The following BRD4 variants were observed in gnomAD, a reference collection of about 807,000 sequenced individuals.
BRD4 encodes the protein bromodomain-containing protein 4.
A neutral mutation model predicts 142.1 loss-of-function variants in BRD4; 16 were observed. The ratio of observed to expected loss-of-function variants is 0.11; its 90% CI spans 0.08 to 0.17. BRD4 has a LOEUF of 0.17. BRD4 is among the 10% of genes least tolerant of loss of function. BRD4 has a pLI of 1.00. For missense variants in BRD4, 1,424 were observed against 1,810.9 expected, an observed-to-expected ratio of 0.79 and a Z score of 3.88; for synonymous variants, 833 against 707.5, an observed-to-expected ratio of 1.18 and a Z score of -2.82.
Position 15,283,674 on chromosome 19 carries a change from C to T in BRD4, c.-34-10541G>A, listed in dbSNP as rs117661365. 5.0e-3 allele frequency among the ~76,000 whole-genome samples: 765 copies of T among 152,306 alleles called. 2 individuals are homozygous for T. The highest frequency in any genetic ancestry group is 8.2e-3 in the Non-Finnish European group (558 of 68,030). On this transcript the variant is annotated intron_variant, in intron 1 of 19. Transcript: ENST00000679869. ...ACACTGAACTCTTGAAACAGATCCA[C>T]GAGTGGGAATGGTGACATTCCAATC...
At chr19:15,315,924 G>A (rs555580729) in intron 1 of BRD4, among the ~76,000 whole-genome samples, 2 of 151,732 alleles carry the variant, frequency 1.3e-5, no homozygotes, top group South Asian at 4.2e-4. Flanking sequence ...GGGAGGCCGA[G>A]GCGGGCGGAT....
intron 1 of BRD4, among the ~76,000 whole-genome samples, chr19:15,329,480 C>T (rs11672404): frequency 0.17 from 25,328 of 152,082 alleles, 2,197 homozygotes; most frequent in Middle Eastern, 0.2. Flanking sequence ...GTGGCTCATG[C>T]CTGTAAACCC....
chr19:15,316,905 A>G (rs1355195022), intron 1 of BRD4, among the ~76,000 whole-genome samples: 2 of 152,200 alleles, frequency 1.3e-5, no homozygotes, highest in Middle Eastern at 3.4e-3. Flanking sequence ...GAAGAACCAG[A>G]CTCAATGCTA....
intron 1 of BRD4, among the ~76,000 whole-genome samples, chr19:15,328,129 CTAA>C (rs1394414918): frequency 1.4e-4 from 22 of 152,016 alleles, no homozygotes; most frequent in African/African-American, 4.6e-4. Context: ...GATGAACACG[CTAA>C]TAATAAAGAC....
chr19:15,300,099 G>C (rs543207291), intron 1 of BRD4, among the ~76,000 whole-genome samples: 60 of 152,196 alleles, frequency 3.9e-4, no homozygotes, highest in African/African-American at 1.4e-3. Flanking sequence ...TTTAAAATTA[G>C]CTGAGTGTGG....
In BRD4 at chr19:15,263,532, C is replaced by T. The variant is rs199679781; in HGVS notation, c.1229G>A (p.Arg410His). 2.7e-5 allele frequency: 43 copies of T among 1,614,072 alleles called. No homozygotes were observed. Among genetic ancestry groups the T allele is most frequent in the Non-Finnish European group, 3.4e-5 (40 of 1,180,030 alleles). Reference sequence around the variant, plus strand: ...AAACTCCTGAGCATCACGGTACTCACGGGCCTCCAGTTTAGACTGGAAAAC... The same window carrying T: ...AAACTCCTGAGCATCACGGTACTCATGGGCCTCCAGTTTAGACTGGAAAAC... Reference protein sequence around the residue: ...MSTIKSKLEAREYRDAQEFGA... With the variant: ...MSTIKSKLEAHEYRDAQEFGA... The change falls in exon 7 of 20, where the codon CGT (arginine) becomes CAT (histidine). Residue 410 changes from arginine to histidine, a missense_variant. By Grantham distance (29) the Arg-to-His change is conservative (BLOSUM62 0). Coordinates refer to ENST00000679869, the MANE Select transcript of BRD4 (RefSeq NM_001379291.1).
intron 2 of BRD4, 112 bp downstream of exon 2, chr19:15,272,703 A>G: frequency 9.8e-7 from 1 of 1,025,008 alleles, no homozygotes; most frequent in South Asian, 1.6e-5. Flanking sequence ...TGCAGCTCTC[A>G]CCATGATTCC....
intron 1 of BRD4, among the ~76,000 whole-genome samples, chr19:15,327,480 GC>G: frequency 6.6e-6 from 1 of 151,860 alleles, no homozygotes; most frequent in Non-Finnish European, 1.5e-5. Flanking sequence ...GGGGGTGGAG[GC>G]TGCAGTGGGC....
chr19:15,277,974 C>T (rs577361592), intron 1 of BRD4, among the ~76,000 whole-genome samples: 1 of 148,104 alleles, frequency 6.8e-6, no homozygotes, highest in East Asian at 2.0e-4. Flanking sequence ...GGCATGGCAG[C>T]GGGCGCCTGT....
At chr19:15,324,849 T>A (rs1299382075) in intron 1 of BRD4, among the ~76,000 whole-genome samples, 1 of 152,070 alleles carries the variant, frequency 6.6e-6, no homozygotes, top group Admixed American at 6.5e-5. Context: ...CCTCCACTAA[T>A]CCCATTATCA....
chr19:15,251,589 G>C (rs953350271), intron 11 of BRD4, among the ~76,000 whole-genome samples: 10 of 152,202 alleles, frequency 6.6e-5, no homozygotes, highest in Middle Eastern at 3.4e-3. Flanking sequence ...CGGGATTCCT[G>C]GACCCAGGAG....
intron 11 of BRD4, chr19:15,249,440 C>G: frequency 7.0e-7 from 1 of 1,421,822 alleles, no homozygotes; most frequent in Non-Finnish European, 9.6e-7. Flanking sequence ...TGGAGCCCTG[C>G]CCCGTGCCTG....
At chr19:15,286,553 C>T (rs1393861784) in intron 1 of BRD4, among the ~76,000 whole-genome samples, 1 of 152,116 alleles carries the variant, frequency 6.6e-6, no homozygotes, top group African/African-American at 2.4e-5. Context: ...GTATGCTTAC[C>T]CAAAATACCA....
At chr19:15,310,395 CTG>C (rs1259974189) in intron 1 of BRD4, among the ~76,000 whole-genome samples, 35 of 117,626 alleles carry the variant, frequency 3.0e-4, no homozygotes, top group Non-Finnish European at 5.0e-4. Flanking sequence ...GAGTCTCACT[CTG>C]TGGCCCAGGC....
rs34235278 is a variant in BRD4 at position 15,305,023 on chromosome 19, CTTTTTTTTTT to C, written c.-35+27257_-35+27266del. On this transcript the variant is annotated intron_variant, in intron 1 of 19. Coordinates refer to ENST00000679869, the MANE Select transcript of BRD4 (RefSeq NM_001379291.1). ...TCACCTACATTAAAATTAAGACCAT[CTTTTTTTTTT>C]TTTTTTTTTTGAGACGGAGTTGTTG... is the stretch of plus-strand genomic sequence containing the variant. Among the ~76,000 whole-genome samples, 146 of 126,418 alleles carry C rather than the reference CTTTTTTTTTT, an allele frequency of 1.2e-3. 6 individuals are homozygous for C. The South Asian group carries it at 0.035, about 31-fold the overall frequency. The allele number at this position is 126,418 out of a possible 152,430, so 82.9% of individuals were successfully genotyped here.
chr19:15,250,672 C>T (rs778796009), intron 11 of BRD4, among the ~76,000 whole-genome samples: 4 of 152,316 alleles, frequency 2.6e-5, no homozygotes, highest in South Asian at 4.1e-4. Flanking sequence ...TGAGGTTAAA[C>T]GGGTATTCCT....
intron 1 of BRD4, among the ~76,000 whole-genome samples, chr19:15,277,527 AT>A (rs1431420571): frequency 6.6e-6 from 1 of 151,868 alleles, no homozygotes; most frequent in African/African-American, 2.4e-5. Context: ...CACGCCTGTA[AT>A]CCCAGCACTT....
intron 11 of BRD4, chr19:15,245,020 C>A (rs2047273192): frequency 4.9e-6 from 3 of 617,316 alleles, no homozygotes; most frequent in Non-Finnish European, 8.2e-6. Flanking sequence ...AGCTTCAGAT[C>A]ACCACGGTTG....
At chr19:15,304,582 A>G (rs1404755503) in intron 1 of BRD4, among the ~76,000 whole-genome samples, 5 of 152,172 alleles carry the variant, frequency 3.3e-5, no homozygotes, top group Non-Finnish European at 7.3e-5. Flanking sequence ...TGCTTGTAGT[A>G]AGCTGGCAGA....
Sources: allele counts gnomAD v4.1 joint callset (sites outside exome capture counted in the v4.1 genomes callset), GRCh38; gene constraint gnomAD v4.1.1; transcripts MANE v1.5; gene names NCBI Gene and HGNC (gene_info 2026-07-23, HGNC 2026-07-21).